Variants in DPYSL3 observed in about 807,000 individuals in gnomAD.
The protein encoded by DPYSL3 is dihydropyrimidinase-related protein 3.
Under a neutral mutation model 66.1 loss-of-function variants are expected in DPYSL3, and 16 were observed. The ratio of observed to expected loss-of-function variants is 0.24; its 90% CI spans 0.16 to 0.37. The LOEUF is 0.37. Ranked by LOEUF, DPYSL3 falls within the 10% of genes least tolerant of loss-of-function variation. The pLI, the probability that DPYSL3 is intolerant of heterozygous loss-of-function variation, is 1.00. For synonymous variants in DPYSL3, 338 were observed against 345.1 expected, an observed-to-expected ratio of 0.98 and a Z score of 0.23; for missense variants, 738 against 916.2, an observed-to-expected ratio of 0.81 and a Z score of 2.51.
chr5:147,456,160 C>G (rs533749669), intron 1 of DPYSL3, among the ~76,000 whole-genome samples: 92 of 152,232 alleles, frequency 6.0e-4, no homozygotes, highest in Admixed American at 4.6e-4. Flanking sequence ...TTTCTTGAAC[C>G]AAAATAAAGC....
At chr5:147,444,284 T>C (rs987755099) in intron 1 of DPYSL3, among the ~76,000 whole-genome samples, 5 of 152,156 alleles carry the variant, frequency 3.3e-5, no homozygotes, top group Middle Eastern at 3.2e-3. Context: ...AATTTCCTCA[T>C]CAATAAAATG....
chr5:147,481,762 C>T (rs1192275589), intron 1 of DPYSL3, among the ~76,000 whole-genome samples: 1 of 152,188 alleles, frequency 6.6e-6, no homozygotes, highest in East Asian at 1.9e-4. Flanking sequence ...CTGCCTTCTA[C>T]CATAGTATGA....
intron 1 of DPYSL3, among the ~76,000 whole-genome samples, chr5:147,504,964 T>G (rs1753663264): frequency 6.6e-6 from 1 of 152,252 alleles, no homozygotes; most frequent in South Asian, 2.1e-4. Flanking sequence ...GAAAATTCAG[T>G]GTGCATGGAA....
chr5:147,415,029 G>T (rs1167243906), intron 4 of DPYSL3, among the ~76,000 whole-genome samples: 4 of 152,132 alleles, frequency 2.6e-5, no homozygotes, highest in East Asian at 1.9e-4. Flanking sequence ...CTGTATGTGG[G>T]GGGGAGGGGT....
intron 1 of DPYSL3, among the ~76,000 whole-genome samples, chr5:147,467,512 T>G (rs1446050734): frequency 1.3e-5 from 2 of 152,306 alleles, no homozygotes; most frequent in African/African-American, 4.8e-5. Flanking sequence ...CCAAATTAGA[T>G]AAGGACCTTC....
At chr5:147,489,633 T>A (rs1432241182) in intron 1 of DPYSL3, among the ~76,000 whole-genome samples, 1 of 152,210 alleles carries the variant, frequency 6.6e-6, no homozygotes, top group Non-Finnish European at 1.5e-5. Flanking sequence ...CAGAGAAATG[T>A]AAAATTCCAA....
intron 1 of DPYSL3, among the ~76,000 whole-genome samples, chr5:147,477,614 C>A (rs1289802218): frequency 7.9e-6 from 1 of 126,126 alleles, no homozygotes; most frequent in Non-Finnish European, 1.6e-5. Context: ...CTCGCTCTGT[C>A]GCCCAGGCCG....
chr5:147,493,207 A>G (rs1444310136), intron 1 of DPYSL3, among the ~76,000 whole-genome samples: 1 of 152,194 alleles, frequency 6.6e-6, no homozygotes, highest in African/African-American at 2.4e-5. Flanking sequence ...GCAAAAACCT[A>G]AAAGAACTTC....
chr5:147,394,639 C>T (rs1757916254), intron 13 of DPYSL3, among the ~76,000 whole-genome samples: 1 of 151,520 alleles, frequency 6.6e-6, no homozygotes, highest in South Asian at 2.1e-4. Context: ...AGAAAGGAGC[C>T]TCTAAAAGCT....
At chr5:147,480,583 C>A (rs72833354) in intron 1 of DPYSL3, among the ~76,000 whole-genome samples, 1,740 of 151,964 alleles carry the variant, frequency 0.011, 21 homozygotes, top group Admixed American at 0.019. Context: ...ATTACTAAAC[C>A]CAGGTTTTCC....
intron 1 of DPYSL3, among the ~76,000 whole-genome samples, chr5:147,465,350 A>G (rs1396895305): frequency 6.6e-6 from 1 of 152,082 alleles, no homozygotes; most frequent in Non-Finnish European, 1.5e-5. Flanking sequence ...CCCAGGCTGG[A>G]GTGCAGTGGC....
chr5:147,461,156 A>G (rs1434345724), intron 1 of DPYSL3, among the ~76,000 whole-genome samples: 1 of 152,204 alleles, frequency 6.6e-6, no homozygotes, highest in Non-Finnish European at 1.5e-5. Context: ...CATGGTCAAC[A>G]TGGAGGCACC....
chr5:147,429,162 G>T (rs978712545), intron 1 of DPYSL3, among the ~76,000 whole-genome samples: 55 of 152,236 alleles, frequency 3.6e-4, no homozygotes, highest in African/African-American at 1.3e-3. Context: ...GGCATGCTGT[G>T]GTAATCTGAA....
In DPYSL3 at chr5:147,400,674, A is replaced by G. The variant is rs762185887; in HGVS notation, c.1452+18T>C. 3.1e-6 allele frequency: 5 copies of G among 1,612,432 alleles called. No homozygotes were observed. The South Asian group carries it at 5.5e-5, about 18-fold the overall frequency. ...ATGTTTTGGCTCTGGCCACCCTCCC[A>G]TGACCTCCATGCCTTACCACAGCCT... On this transcript the variant is annotated intron_variant, in intron 10 of 13. Transcript: ENST00000343218.
intron 1 of DPYSL3, among the ~76,000 whole-genome samples, chr5:147,430,101 A>G (rs985538420): frequency 2.6e-5 from 4 of 152,072 alleles, no homozygotes; most frequent in Non-Finnish European, 4.4e-5. Flanking sequence ...GAGAGGAACA[A>G]AGAAATGAAT....
intron 1 of DPYSL3, among the ~76,000 whole-genome samples, chr5:147,496,542 C>T (rs1463188709): frequency 6.6e-6 from 1 of 151,952 alleles, no homozygotes; most frequent in Admixed American, 6.6e-5. Flanking sequence ...TGAACTCAAA[C>T]AAATTTACAA....
At chr5:147,440,935 A>G (rs1467140370) in intron 1 of DPYSL3, among the ~76,000 whole-genome samples, 2 of 152,164 alleles carry the variant, frequency 1.3e-5, no homozygotes, top group African/African-American at 4.8e-5. Context: ...CTTGAGGTAA[A>G]TTAACTTTCT....
chr5:147,462,432 A>C (rs551029967), intron 1 of DPYSL3, among the ~76,000 whole-genome samples: 4 of 152,190 alleles, frequency 2.6e-5, no homozygotes, highest in Non-Finnish European at 5.9e-5. Context: ...TGACAAGTAC[A>C]TTGAAGGCTT....
chr5:147,427,596 A>C (rs529193433), intron 1 of DPYSL3, among the ~76,000 whole-genome samples: 18 of 152,186 alleles, frequency 1.2e-4, no homozygotes, highest in Non-Finnish European at 1.9e-4. Context: ...TAGTGTGTAC[A>C]CATTAGAAAA....
Sources: gnomAD v4.1 joint callset for allele counts (sites outside exome capture counted in the v4.1 genomes callset) on GRCh38, gnomAD v4.1.1 for gene constraint, MANE v1.5 for transcripts, NCBI Gene and HGNC (gene_info 2026-07-23, HGNC 2026-07-21) for gene names.